RBMS1: variants seen among roughly 807,000 people sequenced by gnomAD.
RBMS1 encodes RNA-binding motif, single-stranded-interacting protein 1.
A neutral mutation model predicts 62.3 loss-of-function variants in RBMS1; 17 were observed. That is an observed-to-expected ratio of 0.27 (90% CI 0.19 to 0.41). The LOEUF (loss-of-function observed/expected upper bound fraction) is 0.41, where lower values mean the gene tolerates loss of function less well. Ranked by LOEUF, RBMS1 falls within the 10% of genes least tolerant of loss-of-function variation. RBMS1 has a pLI of 1.00. For synonymous variants in RBMS1, 172 were observed against 170.0 expected (o/e 1.01, Z -0.09); for missense variants, 334 against 504.5 (o/e 0.66, Z 3.24).
chr2:160,308,198 A>G, intron 4 of RBMS1, among the ~76,000 whole-genome samples: 1 of 152,230 alleles, frequency 6.6e-6, no homozygotes, highest in East Asian at 1.9e-4. Flanking sequence ...GTGCGAGACC[A>G]GCCTGGGCAA....
chr2:160,485,470 C>T (rs916732076), intron 1 of RBMS1, among the ~76,000 whole-genome samples: 5 of 152,276 alleles, frequency 3.3e-5, no homozygotes, highest in Middle Eastern at 6.8e-3. Context: ...GAGAACTATA[C>T]GTGAATTATA....
At chr2:160,427,608 C>A (rs1307571259) in intron 1 of RBMS1, among the ~76,000 whole-genome samples, 1 of 152,042 alleles carries the variant, frequency 6.6e-6, no homozygotes, top group East Asian at 1.9e-4. Flanking sequence ...ATATCAAAGA[C>A]TAAAATTCTT....
intron 1 of RBMS1, among the ~76,000 whole-genome samples, chr2:160,387,764 C>T (rs1694661703): frequency 6.6e-6 from 1 of 151,830 alleles, no homozygotes; most frequent in Admixed American, 6.6e-5. Flanking sequence ...CCATAATGTG[C>T]AAATGCATAC....
intron 1 of RBMS1, among the ~76,000 whole-genome samples, chr2:160,469,847 T>C (rs1174810918): frequency 6.6e-6 from 1 of 152,172 alleles, no homozygotes; most frequent in Non-Finnish European, 1.5e-5. Flanking sequence ...AAAGTTGACC[T>C]CGTAATGAAT....
chr2:160,318,735 G>A (rs759776909), intron 2 of RBMS1, among the ~76,000 whole-genome samples: 20 of 152,216 alleles, frequency 1.3e-4, no homozygotes, highest in Non-Finnish European at 2.5e-4. Flanking sequence ...AAGGGCAGGT[G>A]TGTGCGCATG....
Position 160,489,522 on chromosome 2 carries a change from T to C in RBMS1, c.75+3767A>G, listed in dbSNP as rs1685734327. Among the ~76,000 whole-genome samples the C allele has an allele frequency of 5.9e-5, 9 of 152,212 alleles. No individual in the cohort carries two copies. The South Asian group carries it at 1.9e-3, about 32-fold the overall frequency. ...CATTTGGCTAGAAGTAAGTAAGAGT[T>C]AAGGAATTCAATAAAAAATGCATGC... On this transcript the variant is annotated intron_variant, in intron 1 of 13. Transcript: ENST00000348849.
intron 2 of RBMS1, among the ~76,000 whole-genome samples, chr2:160,324,446 G>A (rs1031544022): frequency 2.6e-5 from 4 of 151,924 alleles, no homozygotes; most frequent in African/African-American, 9.7e-5. Flanking sequence ...AGGCACATGG[G>A]GTCATTTGCA....
intron 1 of RBMS1, among the ~76,000 whole-genome samples, chr2:160,375,081 A>C (rs1324093080): frequency 1.3e-5 from 2 of 152,168 alleles, no homozygotes; most frequent in African/African-American, 4.8e-5. Context: ...GATGATTTCT[A>C]AGCTTCCTTC....
intron 1 of RBMS1, among the ~76,000 whole-genome samples, chr2:160,482,758 CA>C (rs1685422615): frequency 6.6e-6 from 1 of 152,114 alleles, no homozygotes; most frequent in Non-Finnish European, 1.5e-5. Flanking sequence ...GACCCATTTG[CA>C]GGATTTAACA....
At chr2:160,334,483 A>G (rs10169924) in intron 2 of RBMS1, among the ~76,000 whole-genome samples, 151,916 of 152,288 alleles carry the variant, frequency 1, 75,773 homozygotes, top group Non-Finnish European at 1. Flanking sequence ...GAGGGGACAA[A>G]TGACTCATCT....
intron 1 of RBMS1, among the ~76,000 whole-genome samples, chr2:160,397,518 C>G (rs1022743924): frequency 2.0e-5 from 3 of 152,140 alleles, no homozygotes; most frequent in African/African-American, 7.2e-5. Flanking sequence ...GCTTTACCTA[C>G]AAACACAGAT....
intron 1 of RBMS1, chr2:160,407,775 G>A (rs1228717763): frequency 2.0e-6 from 2 of 981,192 alleles, no homozygotes; most frequent in African/African-American, 3.5e-5. Context: ...AGCAGCTCGG[G>A]CAGCCGCCGC....
At chr2:160,337,117 C>T (rs1014979682) in intron 2 of RBMS1, among the ~76,000 whole-genome samples, 1 of 150,118 alleles carries the variant, frequency 6.7e-6, no homozygotes, top group African/African-American at 2.4e-5. Context: ...ATTTTCTTTT[C>T]GTTTTTCTTT....
At chr2:160,290,920 A>T (rs1688641408) in intron 6 of RBMS1, among the ~76,000 whole-genome samples, 1 of 152,174 alleles carries the variant, frequency 6.6e-6, no homozygotes, top group African/African-American at 2.4e-5. Flanking sequence ...CTCCATGGAT[A>T]AGGCTCAGGC....
At chr2:160,489,678 G>A (rs1685739153) in intron 1 of RBMS1, among the ~76,000 whole-genome samples, 1 of 151,994 alleles carries the variant, frequency 6.6e-6, no homozygotes, top group African/African-American at 2.4e-5. Flanking sequence ...TGTAAAAATG[G>A]CGTAAAAACA....
Position 160,493,439 on chromosome 2 carries a change from C to A in RBMS1, c.-76G>T, listed in dbSNP as rs534175486. 59 of 1,450,412 alleles carry A rather than the reference C, an allele frequency of 4.1e-5. No individual in the cohort carries two copies. Among genetic ancestry groups the A allele is most frequent in the Non-Finnish European group, 6.7e-6 (7 of 1,040,016 alleles). 89.8% of individuals were successfully genotyped at this position (1,450,412 alleles called of 1,614,324 possible). On this transcript the variant is annotated 5_prime_UTR_variant, in exon 1 of 14. Transcript: ENST00000348849. ...CAAGTCTCGGGCTCTCCTGCCTCTC[C>A]CTTTCCGGCGGCGGCGGCAGCGGCG... is the stretch of plus-strand genomic sequence containing the variant.
At chr2:160,374,577 T>C (rs1023425713) in intron 1 of RBMS1, among the ~76,000 whole-genome samples, 18 of 152,220 alleles carry the variant, frequency 1.2e-4, no homozygotes, top group African/African-American at 4.3e-4. Flanking sequence ...TTCTGGAGAA[T>C]GCAAAACTAG....
intron 6 of RBMS1, among the ~76,000 whole-genome samples, chr2:160,287,319 G>GA (rs1407404267): frequency 2.0e-5 from 3 of 152,052 alleles, no homozygotes; most frequent in Non-Finnish European, 4.4e-5. Context: ...GGAAGCAAAG[G>GA]AATCTTTCGA....
intron 1 of RBMS1, among the ~76,000 whole-genome samples, chr2:160,477,596 T>G (rs1685197642): frequency 6.6e-6 from 1 of 152,056 alleles, no homozygotes. Flanking sequence ...TGCAGATTCT[T>G]AGAGAACGTG....
Sources: gnomAD v4.1 joint callset for allele counts (sites outside exome capture counted in the v4.1 genomes callset) on GRCh38, gnomAD v4.1.1 for gene constraint, MANE v1.5 for transcripts, NCBI Gene and HGNC (gene_info 2026-07-23, HGNC 2026-07-21) for gene names.